MAP4: variants seen among roughly 807,000 people sequenced by gnomAD.
MAP4 encodes microtubule associated protein 4.
A neutral mutation model predicts 170.2 loss-of-function variants in MAP4; 76 were observed. The ratio of observed to expected loss-of-function variants is 0.45; its 90% CI spans 0.37 to 0.54. The LOEUF (loss-of-function observed/expected upper bound fraction) is 0.54, where lower values mean the gene tolerates loss of function less well. Ranked by LOEUF, MAP4 falls within the 20% of genes least tolerant of loss-of-function variation. The probability of loss-of-function intolerance (pLI) is 0.00; values close to 1 mark genes in which losing one functional copy is unlikely to be tolerated. For missense variants in MAP4, 2,506 were observed against 2,748.0 expected, an observed-to-expected ratio of 0.91 and a Z score of 1.97; for synonymous variants, 909 against 994.5, an observed-to-expected ratio of 0.91 and a Z score of 1.62.
rs1245383641 is a variant in MAP4, at chr3:48,061,887, C to T, written c.-20+26886G>A. ...GCCACCCCGTCCGGGAGGTGGGGGG[C>T]GCCTCCGCCCGGCCGCCACCCCGTC... is the stretch of plus-strand genomic sequence containing the variant. On this transcript the variant is annotated intron_variant, in intron 1 of 18. Transcript: ENST00000360240. 5.2e-4 allele frequency among the ~76,000 whole-genome samples: 71 copies of T among 136,684 alleles called. No homozygotes were observed. In the East Asian group the frequency reaches 0.013, roughly 25 times the overall value. 89.7% of individuals were successfully genotyped at this position (136,684 alleles called of 152,430 possible).
rs1297352540 is a variant in MAP4, at chr3:47,912,236, CAG to C, written c.2183_2184del (p.Ser728TrpfsTer18). On this transcript the variant is annotated frameshift_variant, in exon 9 of 21. Transcript: ENST00000683076. LOFTEE classifies it high-confidence loss of function. ...CCAGGCCCACCACAGGAGGATGAAC[CAG>C]AGACCCAACCTGACTCAGACAAAGA... ...HCSLSESGWVSGSSSCGGPGN... is the reference protein window; with the variant it reads ...HCSLSESGWVXGSSSCGGPGN... The C allele has an allele frequency of 6.5e-7, 1 of 1,536,068 alleles. No homozygotes were observed. The highest frequency in any genetic ancestry group is 2.4e-5 in the East Asian group (1 of 40,912).
At chr3:48,048,146 A>G (rs2100125563) in intron 1 of MAP4, among the ~76,000 whole-genome samples, 1 of 152,212 alleles carries the variant, frequency 6.6e-6, no homozygotes, top group South Asian at 2.1e-4. Context: ...TACAAAAGAG[A>G]AAAGAAAATG....
chr3:47,977,875 G>T lies in MAP4; in HGVS notation c.282C>A (p.Ser94Arg), dbSNP rs780892984. 2 of 1,609,468 alleles carry T rather than the reference G, an allele frequency of 1.2e-6. No homozygotes were observed. Among genetic ancestry groups the T allele is most frequent in the Non-Finnish European group, 1.7e-6 (2 of 1,176,306 alleles). ...CTGGGAATCACTTACCTGTAGTATC[G>T]CTCCCTTCTACTCCATGACCACCAT... ...LANGGHGVEG[S>R]DTTGSPTEFL... The change falls in exon 3 of 21, where the codon AGC becomes AGA. Residue 94 changes from serine (S) to arginine (R), a missense_variant. Ser to Arg is a moderately radical substitution (Grantham distance 110, BLOSUM62 -1). Coordinates refer to ENST00000683076, the MANE Select transcript of MAP4 (RefSeq NM_001385682.1).
At chr3:48,044,013 T>C (rs2100123028) in intron 1 of MAP4, among the ~76,000 whole-genome samples, 1 of 149,660 alleles carries the variant, frequency 6.7e-6, no homozygotes. Context: ...ACCCAGCTAA[T>C]GTTTGTATTT....
chr3:47,886,592 C>T (rs1383132698), intron 10 of MAP4, among the ~76,000 whole-genome samples: 1 of 152,196 alleles, frequency 6.6e-6, no homozygotes, highest in African/African-American at 2.4e-5. Flanking sequence ...CATGAGCCAC[C>T]AAGCCCAGCT....
At chr3:47,921,997 G>A (rs1427021344) in intron 4 of MAP4, 119 bp from the exon 5 acceptor site, 17 of 592,470 alleles carry the variant, frequency 2.9e-5, no homozygotes, top group Non-Finnish European at 4.5e-5. Context: ...GCCAAGGCTG[G>A]AGTGCAGTGG....
intron 2 of MAP4, among the ~76,000 whole-genome samples, chr3:47,996,543 A>G (rs1357179087): frequency 6.6e-6 from 1 of 152,092 alleles, no homozygotes; most frequent in Non-Finnish European, 1.5e-5. Context: ...CTCAGTCCCC[A>G]CTCTAAGCAT....
intron 1 of MAP4, among the ~76,000 whole-genome samples, chr3:48,058,083 A>G (rs2100133221): frequency 6.6e-6 from 1 of 152,258 alleles, no homozygotes; most frequent in Admixed American, 6.5e-5. Flanking sequence ...CTTCAAAAAT[A>G]TAAGATGCTT....
chr3:47,912,067 G>A lies in MAP4; in HGVS notation c.2354C>T (p.Ala785Val), dbSNP rs188034212. The A allele has an allele frequency of 4.0e-5, 61 of 1,536,166 alleles. No individual in the cohort carries two copies. The East Asian group carries it at 5.6e-4, about 14-fold the overall frequency. ...PKQKRYSQPR[A>V]GGPSDDDNAD... ...ATTGTCATCATCCGAAGGTCCTCCA[G>A]CCCGTGGTTGAGAATATCTCTTTTG... The change falls in exon 9 of 21, where the codon GCT becomes GTT. Residue 785 changes from alanine (A) to valine (V), a missense_variant. Physicochemically the swap from Ala to Val is moderately conservative, Grantham distance 64 (BLOSUM62 0). This residue lies in a region of MAP4 where 2,008 missense variants were observed against 2,206.0 expected (regional missense o/e 0.91). Coordinates refer to ENST00000683076, the MANE Select transcript of MAP4 (RefSeq NM_001385682.1).
chr3:47,930,494 CA>C (rs2100049083), intron 3 of MAP4, among the ~76,000 whole-genome samples: 1 of 149,006 alleles, frequency 6.7e-6, no homozygotes, highest in South Asian at 2.1e-4. Flanking sequence ...CAAAAGACAA[CA>C]ACAAAGGTAC....
At chr3:47,928,420 T>A in intron 3 of MAP4, 70 bp from the exon 4 acceptor site, 1 of 1,431,624 alleles carries the variant, frequency 7.0e-7, no homozygotes, top group Non-Finnish European at 9.8e-7. Flanking sequence ...GTGGAATTTC[T>A]ACAAAGTATT....
At chr3:47,987,862 A>G (rs1349780545) in intron 2 of MAP4, among the ~76,000 whole-genome samples, 1 of 152,100 alleles carries the variant, frequency 6.6e-6, no homozygotes, top group Non-Finnish European at 1.5e-5. Flanking sequence ...GAGGAAATGG[A>G]AGGAAAGGAA....
chr3:47,872,266 C>T (rs1301107989), intron 12 of MAP4, among the ~76,000 whole-genome samples, 166 bp from the exon 13 acceptor site: 1 of 152,216 alleles, frequency 6.6e-6, no homozygotes, highest in African/African-American at 2.4e-5. Flanking sequence ...TCACTGCAGC[C>T]TCCGCCTCCC....
chr3:47,960,319 A>T, intron 3 of MAP4: 1 of 226,904 alleles, frequency 4.4e-6, no homozygotes. Context: ...CACTGGTAAA[A>T]GTTTATTCTG....
intron 1 of MAP4, among the ~76,000 whole-genome samples, chr3:48,031,581 C>T (rs1344845996): frequency 1.3e-5 from 2 of 151,754 alleles, no homozygotes; most frequent in African/African-American, 4.8e-5. Flanking sequence ...AAAAATTAGC[C>T]AGGCATGGTG....
intron 1 of MAP4, among the ~76,000 whole-genome samples, chr3:48,008,498 T>G (rs918657947): frequency 9.2e-5 from 14 of 152,212 alleles, no homozygotes; most frequent in African/African-American, 3.1e-4. Flanking sequence ...TGGCCAGATG[T>G]GTGATTATAT....
At chr3:47,899,239 G>A (rs533967047) in intron 10 of MAP4, among the ~76,000 whole-genome samples, 6 of 152,288 alleles carry the variant, frequency 3.9e-5, no homozygotes, top group Admixed American at 1.3e-4. Context: ...GGGATTCCTT[G>A]TCTCTAGGTT....
chr3:47,918,830 A>T lies in MAP4; in HGVS notation c.541T>A (p.Cys181Ser). The change falls in exon 6 of 21, where the codon TGC becomes AGC. Residue 181 changes from cysteine to serine, a missense_variant. Cys to Ser is a moderately radical substitution (Grantham distance 112, BLOSUM62 -1). Around this residue, in one of 3 missense-constraint regions of MAP4, gnomAD observed 2,008 missense variants for 2,206.0 expected, o/e 0.91. Coordinates refer to ENST00000683076, the MANE Select transcript of MAP4 (RefSeq NM_001385682.1). ...CCCTGAGGTACAACAGCTGTGTTGC[A>T]GGGAGACATACCTAATATTGAAACA... Reference protein sequence around the residue: ...PLKDSYGMSPCNTAVVPQGWS... With the variant: ...PLKDSYGMSPSNTAVVPQGWS... The T allele has an allele frequency of 2.5e-6, 4 of 1,612,828 alleles. No homozygotes were observed. Among genetic ancestry groups the T allele is most frequent in the Non-Finnish European group, 3.4e-6 (4 of 1,179,002 alleles).
intron 1 of MAP4, among the ~76,000 whole-genome samples, chr3:48,063,208 A>T (rs2100136781): frequency 6.6e-6 from 1 of 152,018 alleles, no homozygotes; most frequent in African/African-American, 2.4e-5. Context: ...CAAAATCCAA[A>T]GCACAACACC....
Sources: gnomAD v4.1 joint callset for allele counts (sites outside exome capture counted in the v4.1 genomes callset) on GRCh38, gnomAD v4.1.1 for gene constraint, gnomAD v4.1.1 regional missense constraint, MANE v1.5 for transcripts, NCBI Gene and HGNC (gene_info 2026-07-23, HGNC 2026-07-21) for gene names.